Variants in LMBRD2 observed in about 807,000 individuals in gnomAD.
LMBRD2 encodes the protein LMBR1 domain containing 2.
In LMBRD2, 55 loss-of-function variants were observed where a neutral mutation model predicts 94.4. The observed-to-expected ratio is 0.58, with a 90% confidence interval of 0.47 to 0.73. The LOEUF is 0.73. Among genes scored for constraint, LMBRD2 ranks in the 30% least tolerant of loss-of-function variants. The pLI, the probability that LMBRD2 is intolerant of heterozygous loss-of-function variation, is 0.00. For synonymous variants in LMBRD2, 246 were observed against 272.4 expected (o/e 0.90, Z 0.95); for missense variants, 640 against 831.9 (o/e 0.77, Z 2.84).
intron 10 of LMBRD2, 79 bp downstream of exon 10, chr5:36,117,656 G>T (rs930237129): frequency 9.7e-7 from 1 of 1,033,474 alleles, no homozygotes; most frequent in Non-Finnish European, 1.4e-6. Context: ...ATTTTTACTA[G>T]AAGAAATACA....
chr5:36,136,281 A>G, intron 6 of LMBRD2, 28 bp downstream of exon 6: 2 of 1,601,232 alleles, frequency 1.2e-6, no homozygotes, highest in Middle Eastern at 1.7e-4. Context: ...CTTAGTGACT[A>G]TTGCTTATAA....
At position 36,116,610 on chromosome 5, in the gene LMBRD2, A is replaced by C; in HGVS notation, c.1303-17T>G. ...GCAGGCAATCTGGAAAAAAACAAAA[A>C]CAAAGCAGTTTGTTTAAAACAAACA... On this transcript the variant is annotated splice_polypyrimidine_tract_variant and intron_variant, in intron 10 of 17. Transcript: ENST00000296603. 1 of 1,608,070 alleles carries C rather than the reference A, an allele frequency of 6.2e-7. No homozygotes were observed. Among genetic ancestry groups the C allele is most frequent in the Middle Eastern group, 1.7e-4 (1 of 6,036 alleles).
chr5:36,111,889 G>T (rs1053843817), intron 13 of LMBRD2, among the ~76,000 whole-genome samples: 4 of 152,016 alleles, frequency 2.6e-5, no homozygotes, highest in African/African-American at 7.2e-5. Context: ...GGCCTAAGGG[G>T]TTAAATACTT....
intron 1 of LMBRD2, among the ~76,000 whole-genome samples, chr5:36,149,272 G>A (rs1293169776): frequency 5.3e-5 from 8 of 152,156 alleles, no homozygotes; most frequent in Non-Finnish European, 8.8e-5. Flanking sequence ...ATACATTAGG[G>A]GGTGATAAGG....
chr5:36,103,827 C>A lies in LMBRD2; in HGVS notation c.*219G>T. 2.9e-6 allele frequency: 1 copy of A among 347,176 alleles called. No individual in the cohort carries two copies. Among genetic ancestry groups the A allele is most frequent in the Non-Finnish European group, 5.3e-6 (1 of 187,620 alleles). 21.5% of individuals were successfully genotyped at this position (347,176 alleles called of 1,614,324 possible). A position where few individuals can be genotyped will look rare whatever the true frequency, so the allele number is the denominator to read the frequency against. On this transcript the variant is annotated 3_prime_UTR_variant, in exon 18 of 18. Transcript: ENST00000296603. ...TGTAACTGTATTTCTAAGGCAGATG[C>A]TTAGGAAATGATATGTAATAAATCT...
chr5:36,117,176 A>G (rs1254875735), intron 10 of LMBRD2, among the ~76,000 whole-genome samples: 1 of 152,098 alleles, frequency 6.6e-6, no homozygotes, highest in East Asian at 1.9e-4. Context: ...GAGGCCTATA[A>G]GTTATGTAGC....
chr5:36,111,389 T>C, intron 13 of LMBRD2, 131 bp from the exon 14 acceptor site: 1 of 699,570 alleles, frequency 1.4e-6, no homozygotes, highest in South Asian at 1.6e-5. Flanking sequence ...AGTTATCTAC[T>C]GTCACATCTG....
chr5:36,104,943 C>T, intron 17 of LMBRD2, 125 bp downstream of exon 17: 2 of 880,912 alleles, frequency 2.3e-6, no homozygotes, highest in Non-Finnish European at 3.4e-6. Context: ...TGAAAATGAA[C>T]ATTTTCCTTT....
At chr5:36,149,836 G>A (rs1035689778) in intron 1 of LMBRD2, among the ~76,000 whole-genome samples, 1 of 152,216 alleles carries the variant, frequency 6.6e-6, no homozygotes. Flanking sequence ...GAACATGGGA[G>A]GTGGAGGTTA....
chr5:36,140,981 A>C (rs1744394653), intron 4 of LMBRD2, 126 bp downstream of exon 4: 1 of 581,426 alleles, frequency 1.7e-6, no homozygotes, highest in African/African-American at 1.9e-5. Context: ...GCAGAAAGAT[A>C]AAAATAATGG....
intron 13 of LMBRD2, among the ~76,000 whole-genome samples, chr5:36,112,066 G>C (rs1483983878): frequency 6.6e-6 from 1 of 152,010 alleles, no homozygotes; most frequent in African/African-American, 2.4e-5. Flanking sequence ...GAGAGAGAGA[G>C]AGAGACGAAG....
In LMBRD2 at chr5:36,103,979, C is replaced by G. The variant is rs1449076094; in HGVS notation, c.*67G>C. On this transcript the variant is annotated 3_prime_UTR_variant, in exon 18 of 18. Coordinates refer to ENST00000296603, the MANE Select transcript of LMBRD2 (RefSeq NM_001007527.2). Reference sequence around the variant, plus strand: ...TGTATAGAGGAAATTCTAGGGTACACAGATGTTCATCAAGACTGAACTGAT... The same window carrying G: ...TGTATAGAGGAAATTCTAGGGTACAGAGATGTTCATCAAGACTGAACTGAT... The G allele has an allele frequency of 2.7e-6, 3 of 1,130,532 alleles. No individual in the cohort carries two copies. The highest frequency in any genetic ancestry group is 2.5e-5 in the East Asian group (1 of 40,412). 70.0% of individuals were successfully genotyped at this position (1,130,532 alleles called of 1,614,324 possible).
rs1385935367 is a variant in LMBRD2, at chr5:36,101,300, GATT to G, written c.*2743_*2745del. 1 of 151,728 alleles carries G rather than the reference GATT, an allele frequency of 6.6e-6. No individual in the cohort carries two copies. The highest frequency in any genetic ancestry group is 6.6e-5 in the Admixed American group (1 of 15,210). 9.4% of individuals were successfully genotyped at this position (151,728 alleles called of 1,614,324 possible). On this transcript the variant is annotated 3_prime_UTR_variant, in exon 18 of 18. Coordinates refer to ENST00000296603, the MANE Select transcript of LMBRD2 (RefSeq NM_001007527.2). ...TTAGAGGTGATTCATTAAATTAATAGATTATTATTATTTTCTACAATAGTTATT... is the reference window on the plus strand; with the variant it reads ...TTAGAGGTGATTCATTAAATTAATAGATTATTATTTTCTACAATAGTTATT...
At chr5:36,124,724 A>G (rs1743970114) in intron 6 of LMBRD2, among the ~76,000 whole-genome samples, 1 of 152,170 alleles carries the variant, frequency 6.6e-6, no homozygotes, top group Admixed American at 6.5e-5. Context: ...AGCAGTCATG[A>G]TTGATTAACT....
chr5:36,116,726 G>T, intron 10 of LMBRD2, 133 bp from the exon 11 acceptor site: 1 of 785,556 alleles, frequency 1.3e-6, no homozygotes, highest in Admixed American at 2.8e-5. Context: ...ACCCAGGCTG[G>T]AGTGCAGTGG....
At chr5:36,137,118 T>C (rs1744290096) in intron 5 of LMBRD2, among the ~76,000 whole-genome samples, 156 bp downstream of exon 5, 1 of 152,208 alleles carries the variant, frequency 6.6e-6, no homozygotes, top group African/African-American at 2.4e-5. Context: ...CTTAGTAATA[T>C]GGATTATTCA....
intron 4 of LMBRD2, among the ~76,000 whole-genome samples, chr5:36,139,564 C>A (rs572893364): frequency 1.3e-5 from 2 of 152,322 alleles, no homozygotes; most frequent in Non-Finnish European, 2.9e-5. Context: ...CCAGGTCTGC[C>A]TATGGCCCAA....
chr5:36,108,710 G>T, intron 15 of LMBRD2, 71 bp from the exon 16 acceptor site: 1 of 582,138 alleles, frequency 1.7e-6, no homozygotes, highest in African/African-American at 1.9e-5. Context: ...GATTACATAT[G>T]CAATATAATT....
chr5:36,137,726 C>A (rs538894302), intron 4 of LMBRD2, among the ~76,000 whole-genome samples: 1 of 151,924 alleles, frequency 6.6e-6, no homozygotes, highest in South Asian at 2.1e-4. Context: ...AGGCTTCACA[C>A]GGAGAATGGA....
Sources: gnomAD v4.1 joint callset for allele counts (sites outside exome capture counted in the v4.1 genomes callset) on GRCh38, gnomAD v4.1.1 for gene constraint, MANE v1.5 for transcripts, NCBI Gene and HGNC (gene_info 2026-07-23, HGNC 2026-07-21) for gene names.